BBS2: variants seen among roughly 807,000 people sequenced by gnomAD.
BBS2 encodes BBSome complex member BBS2.
BBS2 carries 62 observed loss-of-function variants against 83.0 expected under a neutral mutation model. The ratio of observed to expected loss-of-function variants is 0.75; its 90% CI spans 0.61 to 0.92. The LOEUF is 0.92. Among genes scored for constraint, BBS2 ranks in the 40% least tolerant of loss-of-function variants. BBS2 has a pLI of 0.00. For missense variants in BBS2, 784 were observed against 901.0 expected (o/e 0.87, Z 1.66); for synonymous variants, 303 against 326.1 (o/e 0.93, Z 0.76).
intron 12 of BBS2, chr16:56,498,829 C>A (rs569152084): frequency 3.7e-6 from 3 of 804,540 alleles, no homozygotes; most frequent in South Asian, 3.4e-5. Flanking sequence ...GGCCCCACAG[C>A]AGACATGATT....
intron 1 of BBS2, 135 bp downstream of exon 1, chr16:56,519,611 A>T (rs1419512187): frequency 1.3e-5 from 9 of 690,822 alleles, no homozygotes; most frequent in Non-Finnish European, 2.3e-5. Flanking sequence ...TGGAGCCACA[A>T]GGTGCTCGCC....
At chr16:56,482,854 C>G (rs923596244), downstream of BBS2, among the ~76,000 whole-genome samples, 1 of 152,198 alleles carries the variant, frequency 6.6e-6, no homozygotes, top group African/African-American at 2.4e-5. Flanking sequence ...CCGGCCTCCC[C>G]TGCAGATGTG....
intron 15 of BBS2, among the ~76,000 whole-genome samples, chr16:56,488,275 C>T (rs930058296): frequency 2.6e-5 from 4 of 152,116 alleles, no homozygotes; most frequent in Non-Finnish European, 4.4e-5. Context: ...ACGATTCCCC[C>T]GGAGACACTG....
At chr16:56,515,549 G>A (rs898212667) in intron 1 of BBS2, among the ~76,000 whole-genome samples, 14 of 152,186 alleles carry the variant, frequency 9.2e-5, no homozygotes, top group African/African-American at 3.4e-4. Flanking sequence ...TTGGGAGGAT[G>A]AAAAACACTG....
intron 15 of BBS2, among the ~76,000 whole-genome samples, chr16:56,492,947 T>C (rs1329295239): frequency 6.6e-6 from 1 of 152,146 alleles, no homozygotes; most frequent in Non-Finnish European, 1.5e-5. Flanking sequence ...TTAAGCATTA[T>C]CTACAGTAAA....
At chr16:56,484,060 G>A (rs565774801), downstream of BBS2, among the ~76,000 whole-genome samples, 9 of 144,220 alleles carry the variant, frequency 6.2e-5, no homozygotes, top group South Asian at 2.0e-3. Flanking sequence ...AGACTGGAGT[G>A]CAGTGGTGCA....
chr16:56,487,917 G>C (rs534984356), intron 15 of BBS2, among the ~76,000 whole-genome samples: 3 of 152,290 alleles, frequency 2.0e-5, no homozygotes, highest in African/African-American at 7.2e-5. Flanking sequence ...CAGAGCTAAA[G>C]GGAAGGGAGA....
exon 18 of BBS2, chr16:56,470,686 C>T (rs1398073207): frequency 6.2e-7 from 1 of 1,613,792 alleles, no homozygotes; most frequent in Non-Finnish European, 8.5e-7. Flanking sequence ...AGGGACTAGC[C>T]ATAGTCCTCC....
intron 2 of BBS2, among the ~76,000 whole-genome samples, chr16:56,513,527 C>T (rs1964639194): frequency 6.6e-6 from 1 of 152,194 alleles, no homozygotes; most frequent in African/African-American, 2.4e-5. Flanking sequence ...AAGTGAATTA[C>T]TGACACATGC....
rs759729090 is a variant in BBS2, at chr16:56,498,535, G to T, written c.1561C>A (p.Pro521Thr). Residue 521 changes from proline (P) to threonine (T), a missense_variant, in exon 13 of 17, where the codon CCA becomes ACA. Transcript: ENST00000245157. The stretch of plus-strand genomic sequence containing the variant: ...GCATTCTGAATGTGAGTGTCTTCTG[G>T]TAACAGAAAGTTCTGACCGAGCCAT... The part of the protein sequence containing the change: ...VVWLGQNFLL[P>T]EDTHIQNAPF... 1.2e-6 allele frequency: 2 copies of T among 1,613,884 alleles called. No individual in the cohort carries two copies. The highest frequency in any genetic ancestry group is 3.3e-5 in the Admixed American group (2 of 60,000).
intron 17 of BBS2, chr16:56,479,135 G>A (rs1320756915): frequency 4.6e-5 from 7 of 152,074 alleles, no homozygotes; most frequent in African/African-American, 1.7e-4. Context: ...TCTTAATAGT[G>A]AGTCTCCAAT....
At chr16:56,491,725 CA>C (rs773397021) in intron 15 of BBS2, among the ~76,000 whole-genome samples, 1,061 of 43,206 alleles carry the variant, frequency 0.025, 7 homozygotes, top group African/African-American at 0.065. Context: ...AACTCAACAG[CA>C]AAAAAAAAAA....
intron 17 of BBS2, among the ~76,000 whole-genome samples, chr16:56,472,598 T>A (rs1215209246): frequency 6.6e-6 from 1 of 152,032 alleles, no homozygotes; most frequent in East Asian, 1.9e-4. Flanking sequence ...AAGATGATTT[T>A]AAAAAATAAA....
chr16:56,479,144 A>G (rs1963596570), intron 17 of BBS2: 1 of 152,198 alleles, frequency 6.6e-6, no homozygotes, highest in African/African-American at 2.4e-5. Flanking sequence ...TGAGTCTCCA[A>G]TTCTTATAAC....
chr16:56,500,243 C>G (rs1964228692), intron 11 of BBS2: 1 of 279,888 alleles, frequency 3.6e-6, no homozygotes, highest in African/African-American at 2.2e-5. Context: ...TGCATCCTAA[C>G]TCTTGTAGTT....
At position 56,501,414 on chromosome 16, in the gene BBS2, T is replaced by A; in HGVS notation, c.1164A>T (p.Ser388=). The A allele has an allele frequency of 6.2e-7, 1 of 1,614,168 alleles. No individual in the cohort carries two copies. The highest frequency in any genetic ancestry group is 8.5e-7 in the Non-Finnish European group (1 of 1,180,020). The change falls in exon 10 of 17, where the codon TCA becomes TCT. Residue 388 remains serine, a synonymous_variant. Coordinates refer to ENST00000245157, the MANE Select transcript of BBS2 (RefSeq NM_031885.5). ...TTTGGGTCTCATTCCCCAGGCTGAC[T>A]GAGAGCGTGGTGTGGAGCCTGGTAT... is the stretch of plus-strand genomic sequence containing the variant. ...PANTRLHTTL[S]VSLGNETQTA...
rs1963120459 is a variant in BBS2 at position 56,470,604 on chromosome 16, T to A, written c.*92A>T. On this transcript the variant is annotated 3_prime_UTR_variant, in exon 18 of 18. Transcript: ENST00000682047. ...CCAACTTCACAGGCCTGAAGCTTCATTTCTTGGCCCCTTCGGAAGAAGATG... is the reference window on the plus strand; with the variant it reads ...CCAACTTCACAGGCCTGAAGCTTCAATTCTTGGCCCCTTCGGAAGAAGATG... 2.5e-6 allele frequency: 4 copies of A among 1,614,076 alleles called. No individual in the cohort carries two copies. The highest frequency in any genetic ancestry group is 3.3e-5 in the Admixed American group (2 of 59,994).
chr16:56,497,563 C>T, intron 14 of BBS2, 180 bp downstream of exon 14: 1 of 778,748 alleles, frequency 1.3e-6, no homozygotes. Flanking sequence ...TAAACACTTC[C>T]TTTTATAAAA....
intron 17 of BBS2, among the ~76,000 whole-genome samples, chr16:56,474,364 A>T (rs1596990591): frequency 7.4e-6 from 1 of 134,450 alleles, no homozygotes; most frequent in East Asian, 2.1e-4. Context: ...CTTGTTGCCC[A>T]GGCTGGAGTG....
Sources: allele counts gnomAD v4.1 joint callset (sites outside exome capture counted in the v4.1 genomes callset), GRCh38; gene constraint gnomAD v4.1.1; transcripts MANE v1.5; gene names NCBI Gene and HGNC (gene_info 2026-07-23, HGNC 2026-07-21).